Variants in CACNA1D observed in about 807,000 individuals in gnomAD.
CACNA1D encodes the protein calcium voltage-gated channel subunit alpha1 D.
In CACNA1D, 55 loss-of-function variants were observed where a neutral mutation model predicts 257.1. The observed-to-expected ratio is 0.21, with a 90% CI of 0.17 to 0.27. CACNA1D has a LOEUF of 0.27. CACNA1D is among the 10% of genes least tolerant of loss of function. CACNA1D has a pLI of 1.00. For missense variants in CACNA1D, 1,876 were observed against 2,784.0 expected, an observed-to-expected ratio of 0.67 and a Z score of 7.34; for synonymous variants, 980 against 1,014.9, an observed-to-expected ratio of 0.97 and a Z score of 0.65.
At chr3:53,691,813 T>TATATATATATTATATC (rs2094527081) in intron 8 of CACNA1D, among the ~76,000 whole-genome samples, 1 of 89,170 alleles carries the variant, frequency 1.1e-5, no homozygotes, top group Non-Finnish European at 2.2e-5. Context: ...ATAATATATA[T>TATATATATATTATATC]TATATATTAT....
chr3:53,620,571 G>A (rs80137595), intron 3 of CACNA1D, among the ~76,000 whole-genome samples: 1,452 of 142,134 alleles, frequency 0.01, 22 homozygotes, highest in African/African-American at 0.037. Context: ...GATTACAGGC[G>A]TGAGCCATGA....
intron 27 of CACNA1D, among the ~76,000 whole-genome samples, chr3:53,750,059 G>A (rs755709931): frequency 1.3e-5 from 2 of 152,192 alleles, no homozygotes; most frequent in Admixed American, 6.5e-5. Flanking sequence ...GCTGACCGAG[G>A]GGGGAATACC....
intron 10 of CACNA1D, 194 bp downstream of exon 10, chr3:53,718,582 G>GGCCCCCCCCC: frequency 3.1e-6 from 1 of 323,334 alleles, no homozygotes; most frequent in Non-Finnish European, 5.6e-6. Context: ...CCCACCCCCC[G>GGCCCCCCCCC]CCCCCCCGCC....
rs778087876 is a variant in CACNA1D at position 53,747,277 on chromosome 3, G to A, written c.3168-25G>A. Reference sequence around the variant, plus strand: ...CCACCTGTCATGTGTGAAGCCAGACGACCCACACCTGTTTTCCTCTCCAGG... The same window carrying A: ...CCACCTGTCATGTGTGAAGCCAGACAACCCACACCTGTTTTCCTCTCCAGG... On this transcript the variant is annotated intron_variant, in intron 25 of 47. Transcript: ENST00000350061. The A allele has an allele frequency of 8.1e-6, 13 of 1,611,384 alleles. No homozygotes were observed. The East Asian group carries it at 1.1e-4, about 14-fold the overall frequency.
At chr3:53,692,985 G>A (rs2094541684) in intron 8 of CACNA1D, among the ~76,000 whole-genome samples, 1 of 152,192 alleles carries the variant, frequency 6.6e-6, no homozygotes, top group South Asian at 2.1e-4. Context: ...TTGAACCCAG[G>A]AGGTGGAGGG....
intron 32 of CACNA1D, among the ~76,000 whole-genome samples, chr3:53,772,247 A>G (rs1366361304): frequency 6.6e-6 from 1 of 152,174 alleles, no homozygotes; most frequent in African/African-American, 2.4e-5. Context: ...TTCTTTCAGA[A>G]GGTGTACATC....
chr3:53,672,627 T>G lies in CACNA1D; in HGVS notation c.1117-396T>G, dbSNP rs189036015. Among the ~76,000 whole-genome samples, 50 of 152,328 alleles carry G rather than the reference T, an allele frequency of 3.3e-4. No individual in the cohort carries two copies. The East Asian group carries it at 9.1e-3, about 28-fold the overall frequency. ...ATAGGTTCTAGCTAAGCAGGAGTTT[T>G]GTCCTCTACCAAGACCTTTCCTGAA... is the stretch of plus-strand genomic sequence containing the variant. On this transcript the variant is annotated intron_variant, in intron 7 of 47. Coordinates refer to ENST00000350061, the MANE Select transcript of CACNA1D (RefSeq NM_001128840.3).
At chr3:53,753,529 G>A (rs779865320) in intron 28 of CACNA1D, 43 bp from the exon 29 acceptor site, 155 of 1,281,526 alleles carry the variant, frequency 1.2e-4, no homozygotes, top group African/African-American at 4.4e-5. Flanking sequence ...ATGTGAGATC[G>A]TGGCTGAGGC....
chr3:53,801,453 C>T (rs1389170393), intron 42 of CACNA1D, 28 bp downstream of exon 42: 2 of 1,612,086 alleles, frequency 1.2e-6, no homozygotes, highest in Non-Finnish European at 1.7e-6. Context: ...TTTGGACTTG[C>T]TCATGTGGTG....
At chr3:53,522,122 C>A (rs890129503) in intron 3 of CACNA1D, among the ~76,000 whole-genome samples, 3 of 152,148 alleles carry the variant, frequency 2.0e-5, no homozygotes, top group African/African-American at 7.2e-5. Context: ...AGTGACAGAG[C>A]GAGAAGCTGG....
At chr3:53,572,592 G>C (rs958793024) in intron 3 of CACNA1D, among the ~76,000 whole-genome samples, 2 of 152,024 alleles carry the variant, frequency 1.3e-5, no homozygotes, top group Admixed American at 6.6e-5. Context: ...TAGAGACAAG[G>C]CTTCACCGTG....
chr3:53,565,106 T>C (rs965500730), intron 3 of CACNA1D, among the ~76,000 whole-genome samples: 1 of 152,216 alleles, frequency 6.6e-6, no homozygotes, highest in Non-Finnish European at 1.5e-5. Context: ...ACATGCCTTA[T>C]AACAAATCAA....
intron 31 of CACNA1D, 84 bp downstream of exon 31, chr3:53,770,101 T>C: frequency 8.9e-7 from 1 of 1,125,124 alleles, no homozygotes; most frequent in South Asian, 1.2e-5. Context: ...GGTTTTTCTG[T>C]ATTCTCCATG....
chr3:53,782,491 C>T (rs991775374), intron 39 of CACNA1D: 6 of 151,894 alleles, frequency 4.0e-5, no homozygotes, highest in African/African-American at 1.5e-4. Flanking sequence ...TTTATAGCGT[C>T]GCTGCCGCCA....
chr3:53,530,175 A>T (rs2091901906), intron 3 of CACNA1D: 1 of 152,262 alleles, frequency 6.6e-6, no homozygotes, highest in Admixed American at 6.5e-5. Flanking sequence ...AAGAAAACGA[A>T]GCATCAATTT....
intron 14 of CACNA1D, among the ~76,000 whole-genome samples, chr3:53,724,823 C>A (rs1356390461): frequency 6.6e-6 from 1 of 152,200 alleles, no homozygotes; most frequent in Non-Finnish European, 1.5e-5. Flanking sequence ...GTCACTTACC[C>A]ATTTCTGAAG....
chr3:53,625,912 C>A (rs6786894), intron 3 of CACNA1D, among the ~76,000 whole-genome samples: 2,065 of 152,072 alleles, frequency 0.014, 51 homozygotes, highest in African/African-American at 0.047. Context: ...GTCATGTGGT[C>A]CAACTTTCTG....
chr3:53,713,347 C>A (rs13076366), intron 9 of CACNA1D, among the ~76,000 whole-genome samples: 33,058 of 152,086 alleles, frequency 0.22, 3,938 homozygotes, highest in African/African-American at 0.27. Context: ...TGATGATAAG[C>A]ACCAGGCTTT....
At chr3:53,563,685 T>C (rs552981525) in intron 3 of CACNA1D, among the ~76,000 whole-genome samples, 1 of 152,372 alleles carries the variant, frequency 6.6e-6, no homozygotes, top group Non-Finnish European at 1.5e-5. Context: ...TGTAACTTAG[T>C]TTTCCCTCAA....
Sources: gnomAD v4.1 joint callset for allele counts (sites outside exome capture counted in the v4.1 genomes callset) on GRCh38, gnomAD v4.1.1 for gene constraint, MANE v1.5 for transcripts, NCBI Gene and HGNC (gene_info 2026-07-23, HGNC 2026-07-21) for gene names.